The following CCDC171 variants were observed in gnomAD, a reference collection of about 807,000 sequenced individuals.
CCDC171 encodes coiled-coil domain-containing protein 171.
Under a neutral mutation model 168.2 loss-of-function variants are expected in CCDC171, and 177 were observed. The observed-to-expected ratio is 1.05, with a 90% CI of 0.93 to 1.19. The LOEUF (loss-of-function observed/expected upper bound fraction) is 1.19. Among genes scored for constraint, CCDC171 ranks in the 50% most tolerant of loss-of-function variants. The pLI is 0.00. For missense variants in CCDC171, 1,991 were observed against 1,539.0 expected, an observed-to-expected ratio of 1.29 and a Z score of -4.91; for synonymous variants, 687 against 540.8, an observed-to-expected ratio of 1.27 and a Z score of -3.75.
intron 1 of CCDC171, among the ~76,000 whole-genome samples, chr9:16,048,756 G>A (rs1043021125): frequency 2.3e-4 from 35 of 151,892 alleles, no homozygotes; most frequent in African/African-American, 8.5e-4. Context: ...CTGTAAAGTG[G>A]GGATAATATC....
chr9:15,962,270 C>G (rs949202294), intron 25 of CCDC171, among the ~76,000 whole-genome samples: 1 of 152,144 alleles, frequency 6.6e-6, no homozygotes, highest in Non-Finnish European at 1.5e-5. Flanking sequence ...TCCATGTTAT[C>G]CAAAAGTTTA....
At chr9:15,866,724 C>T (rs2061803735) in intron 23 of CCDC171, among the ~76,000 whole-genome samples, 1 of 151,896 alleles carries the variant, frequency 6.6e-6, no homozygotes, top group Non-Finnish European at 1.5e-5. Flanking sequence ...TAGCAATTGA[C>T]AGGAGAAACA....
intron 24 of CCDC171, among the ~76,000 whole-genome samples, chr9:15,903,406 A>T (rs1344928779): frequency 2.6e-5 from 4 of 152,192 alleles, no homozygotes; most frequent in African/African-American, 9.7e-5. Context: ...TCCACTGCTG[A>T]TACCCAGGCA....
intron 20 of CCDC171, among the ~76,000 whole-genome samples, chr9:15,781,294 A>G (rs2057654519): frequency 6.6e-6 from 1 of 152,232 alleles, no homozygotes; most frequent in African/African-American, 2.4e-5. Flanking sequence ...GGTTAGTGGA[A>G]GGTGACAGAA....
chr9:15,873,626 G>C (rs1817470443), intron 23 of CCDC171, among the ~76,000 whole-genome samples: 1 of 152,030 alleles, frequency 6.6e-6, no homozygotes, highest in Admixed American at 6.6e-5. Context: ...ATTAAAATGA[G>C]AGCTTTTTGT....
At chr9:15,605,995 G>T (rs2043199947) in intron 6 of CCDC171, among the ~76,000 whole-genome samples, 1 of 152,010 alleles carries the variant, frequency 6.6e-6, no homozygotes, top group African/African-American at 2.4e-5. Flanking sequence ...GATATGCTGT[G>T]TTTTTTTCTA....
downstream of CCDC171, among the ~76,000 whole-genome samples, chr9:16,063,488 G>C (rs1004615265): frequency 3.9e-5 from 6 of 152,154 alleles, no homozygotes; most frequent in Non-Finnish European, 5.9e-5. Flanking sequence ...TTAAAATTCT[G>C]TATGGGAGAA....
At position 15,744,342 on chromosome 9, in the gene CCDC171, G is replaced by A. The variant is rs1431194127; in HGVS notation, c.2119G>A (p.Val707Ile). ...NHIEKSHEQL[V>I]LENSHFKKLL... ...TATTGAGAAGTCACATGAACAGTTG[G>A]TTCTTGAAAATTCGCACTTCAAAAA... Residue 707 changes from valine to isoleucine, a missense_variant, in exon 17 of 26, where the codon GTT (valine) becomes ATT (isoleucine). Physicochemically the swap from Val to Ile is conservative, Grantham distance 29. Transcript: ENST00000380701. The A allele has an allele frequency of 6.2e-7, 1 of 1,613,854 alleles. No homozygotes were observed. The highest frequency in any genetic ancestry group is 1.7e-5 in the Admixed American group (1 of 59,962).
intron 11 of CCDC171, among the ~76,000 whole-genome samples, chr9:15,711,272 C>G (rs2052643508): frequency 1.3e-5 from 2 of 152,198 alleles, no homozygotes; most frequent in Non-Finnish European, 2.9e-5. Context: ...GGCTTGGCCT[C>G]TGATTTTCTT....
rs866234690 is a variant in CCDC171 at position 15,623,378 on chromosome 9, A to T, written c.787A>T (p.Thr263Ser). Residue 263 changes from threonine (T) to serine (S), a missense_variant, in exon 7 of 26, where the codon ACT becomes TCT. By Grantham distance (58) the Thr-to-Ser change is moderately conservative. Coordinates refer to ENST00000380701, the MANE Select transcript of CCDC171 (RefSeq NM_173550.4). Reference sequence around the variant, plus strand: ...ACAAACAAGTGAACTTGAATTTAGCACTCAACGAGAGGAACGCCTTAGAAA... The same window carrying T: ...ACAAACAAGTGAACTTGAATTTAGCTCTCAACGAGAGGAACGCCTTAGAAA... ...RRQTSELEFS[T>S]QREERLRKEF... 2.5e-6 allele frequency: 4 copies of T among 1,611,958 alleles called. No homozygotes were observed. The highest frequency in any genetic ancestry group is 3.4e-6 in the Non-Finnish European group (4 of 1,178,734).
intron 21 of CCDC171, among the ~76,000 whole-genome samples, chr9:15,814,534 T>A (rs1330498871): frequency 6.6e-6 from 1 of 152,216 alleles, no homozygotes; most frequent in Non-Finnish European, 1.5e-5. Context: ...TGCTCTCTGC[T>A]TACTAAGTTT....
In CCDC171 at chr9:15,623,475, GCACACACACACACACACACA is replaced by G; in HGVS notation, c.822+75_822+94del. 1.6e-5 allele frequency: 5 copies of G among 311,464 alleles called. 1 individual carries two copies. The highest frequency in any genetic ancestry group is 2.9e-5 in the Non-Finnish European group (5 of 170,854). 19.3% of individuals were successfully genotyped at this position (311,464 alleles called of 1,614,324 possible). On this transcript the variant is annotated intron_variant, in intron 7 of 25. Coordinates refer to ENST00000380701, the MANE Select transcript of CCDC171 (RefSeq NM_173550.4). The stretch of plus-strand genomic sequence containing the variant: ...CAAACTTTCACATATGCGCGCGCGC[GCACACACACACACACACACA>G]CACACACACACATAAAACCCATTCC...
chr9:15,926,104 A>G (rs1020730877), intron 25 of CCDC171, among the ~76,000 whole-genome samples: 1 of 151,756 alleles, frequency 6.6e-6, no homozygotes, highest in Admixed American at 6.6e-5. Flanking sequence ...AGAAGAGTAC[A>G]TTCTAACATT....
chr9:15,571,213 T>G (rs1269885155), intron 2 of CCDC171, among the ~76,000 whole-genome samples: 1 of 152,224 alleles, frequency 6.6e-6, no homozygotes, highest in East Asian at 1.9e-4. Flanking sequence ...ATTTTTATTT[T>G]TGGGAGAGAG....
chr9:15,696,724 G>A (rs138478992), intron 11 of CCDC171, among the ~76,000 whole-genome samples: 144 of 152,252 alleles, frequency 9.5e-4, no homozygotes, highest in African/African-American at 3.2e-3. Flanking sequence ...GTCATGTCTC[G>A]TTTGAGTTTT....
chr9:16,068,092 A>G, the CCDC171 span, among the ~76,000 whole-genome samples: 1 of 149,302 alleles, frequency 6.7e-6, no homozygotes, highest in Non-Finnish European at 1.5e-5. Context: ...TTAAGCTGAT[A>G]AGCAACTTCA....
intron 12 of CCDC171, among the ~76,000 whole-genome samples, chr9:15,723,216 C>A (rs2053598222): frequency 6.6e-6 from 1 of 152,160 alleles, no homozygotes; most frequent in African/African-American, 2.4e-5. Context: ...AGTAGGACTG[C>A]ATGTGACCGA....
intron 15 of CCDC171, among the ~76,000 whole-genome samples, chr9:15,729,287 A>G (rs1423859822): frequency 1.3e-5 from 2 of 152,122 alleles, no homozygotes; most frequent in Admixed American, 6.6e-5. Context: ...AGATATTTGA[A>G]TAGCTTGAGC....
chr9:15,867,238 C>A, intron 23 of CCDC171, among the ~76,000 whole-genome samples: 1 of 151,830 alleles, frequency 6.6e-6, no homozygotes, highest in East Asian at 1.9e-4. Flanking sequence ...ACTGTATAAC[C>A]AAATCTTTAA....
Sources: gnomAD v4.1 joint callset for allele counts (sites outside exome capture counted in the v4.1 genomes callset) on GRCh38, gnomAD v4.1.1 for gene constraint, MANE v1.5 for transcripts, NCBI Gene and HGNC (gene_info 2026-07-23, HGNC 2026-07-21) for gene names.